CRLF2: variants seen among roughly 807,000 people sequenced by gnomAD.
CRLF2 encodes cytokine receptor-like factor 2.
Under a neutral mutation model 38.7 loss-of-function variants are expected in CRLF2, and 41 were observed. The ratio of observed to expected loss-of-function variants is 1.06; its 90% CI spans 0.83 to 1.37. The LOEUF (loss-of-function observed/expected upper bound fraction) is 1.37. CRLF2 is among the 40% of genes most tolerant of loss of function. The probability of loss-of-function intolerance (pLI) is 0.00; values close to 1 mark genes in which losing one functional copy is unlikely to be tolerated. For missense variants in CRLF2, 377 were observed against 322.2 expected, an observed-to-expected ratio of 1.17 and a Z score of -1.30; for synonymous variants, 140 against 128.8, an observed-to-expected ratio of 1.09 and a Z score of -0.59.
intron 4 of CRLF2, chrX:1,199,033 C>A: frequency 6.9e-6 from 3 of 435,990 alleles, no homozygotes; most frequent in South Asian, 5.6e-5. Flanking sequence ...CCTGTAATCC[C>A]AGCTACTTGG....
At chrX:1,197,397 G>A (rs764868637) in intron 5 of CRLF2, among the ~76,000 whole-genome samples, 1 of 151,980 alleles carries the variant, frequency 6.6e-6, no homozygotes, top group South Asian at 2.1e-4. Context: ...CAGCCACCCC[G>A]AGGAAGTAAG....
intron 2 of CRLF2, 38 bp from the exon 3 acceptor site, chrX:1,206,637 A>G (rs1331187324): frequency 6.3e-7 from 1 of 1,599,490 alleles, no homozygotes; most frequent in Non-Finnish European, 8.6e-7. Context: ...CAACAAAACA[A>G]AAAAGCATGT....
At chrX:1,192,699 TTTC>T (rs1415917283) in intron 7 of CRLF2, among the ~76,000 whole-genome samples, 2 of 149,616 alleles carry the variant, frequency 1.3e-5, no homozygotes, top group East Asian at 2.0e-4. Context: ...TTCTTTTTCT[TTTC>T]TTTTCTTTTC....
chrX:1,201,887 A>G (rs1376281172), intron 4 of CRLF2, among the ~76,000 whole-genome samples: 2 of 151,796 alleles, frequency 1.3e-5, no homozygotes, highest in Non-Finnish European at 1.5e-5. Context: ...ATAGATAGAT[A>G]AAAGAGAGTT....
chrX:1,192,757 T>C (rs1424328271), intron 7 of CRLF2, among the ~76,000 whole-genome samples: 53 of 106,676 alleles, frequency 5.0e-4, no homozygotes, highest in East Asian at 9.7e-4. Flanking sequence ...TCTTTCTTTC[T>C]TTCTTTCTTT....
In CRLF2 at chrX:1,192,706, T is replaced by TC. The variant is rs2086408724; in HGVS notation, c.852+511dup. 8.8e-4 allele frequency among the ~76,000 whole-genome samples: 126 copies of TC among 143,486 alleles called. 1 individual carries two copies. The highest frequency in any genetic ancestry group is 5.4e-3 in the South Asian group (24 of 4,408). The allele number at this position is 143,486 out of a possible 152,430, so 94.1% of individuals were successfully genotyped here. On this transcript the variant is annotated intron_variant, in intron 7 of 7. Coordinates refer to ENST00000400841, the MANE Select transcript of CRLF2 (RefSeq NM_022148.4). Reference sequence around the variant, plus strand: ...TTTTCTCTTTCTTTTTCTTTTCTTTTCTTTTCTTTCTTTCTTTCTTTCTTT... The same window carrying TC: ...TTTTCTCTTTCTTTTTCTTTTCTTTTCCTTTTCTTTCTTTCTTTCTTTCTTT...
chrX:1,212,171 A>T (rs2086814485), intron 1 of CRLF2, among the ~76,000 whole-genome samples: 2 of 151,966 alleles, frequency 1.3e-5, no homozygotes, highest in Admixed American at 6.6e-5. Flanking sequence ...TGGATGGGTG[A>T]TTAATGGGAA....
chrX:1,211,198 T>A, intron 1 of CRLF2, among the ~76,000 whole-genome samples: 1 of 144,996 alleles, frequency 6.9e-6, no homozygotes, highest in African/African-American at 2.6e-5. Flanking sequence ...GATGGATGGA[T>A]GCATGGATAG....
chrX:1,192,693 T>G, intron 7 of CRLF2, among the ~76,000 whole-genome samples: 1 of 149,656 alleles, frequency 6.7e-6, no homozygotes, highest in Admixed American at 6.7e-5. Flanking sequence ...TTCTCTTTCT[T>G]TTTCTTTTCT....
At chrX:1,201,307 TCTGTGTGTGC>T (rs1207800136) in intron 4 of CRLF2, among the ~76,000 whole-genome samples, 1 of 148,338 alleles carries the variant, frequency 6.7e-6, no homozygotes. Context: ...TCTGTGCATG[TCTGTGTGTGC>T]CTGTGTGCCT....
At chrX:1,191,998 G>T (rs2086389470) in intron 7 of CRLF2, among the ~76,000 whole-genome samples, 1 of 144,544 alleles carries the variant, frequency 6.9e-6, no homozygotes, top group Non-Finnish European at 1.5e-5. Flanking sequence ...GAGGTGAGGA[G>T]ATCGAGACCA....
At chrX:1,197,926 T>C (rs1468469903) in intron 5 of CRLF2, among the ~76,000 whole-genome samples, 1 of 151,826 alleles carries the variant, frequency 6.6e-6, no homozygotes, top group African/African-American at 2.4e-5. Context: ...CGATTGAACG[T>C]GGGAGACAGA....
At chrX:1,205,875 C>CT (rs1287363904) in intron 3 of CRLF2, among the ~76,000 whole-genome samples, 1 of 147,808 alleles carries the variant, frequency 6.8e-6, no homozygotes, top group South Asian at 2.2e-4. Flanking sequence ...GAAGGAAGTA[C>CT]GAAAAGCATG....
At chrX:1,206,620 C>G in intron 2 of CRLF2, 21 bp from the exon 3 acceptor site, 1 of 1,607,614 alleles carries the variant, frequency 6.2e-7, no homozygotes, top group Non-Finnish European at 8.5e-7. Flanking sequence ...AAACGATGAC[C>G]ATTCAGCAAC....
chrX:1,208,883 G>C lies in CRLF2; in HGVS notation c.105C>G (p.Ile35Met), dbSNP rs1465167956. Residue 35 changes from isoleucine to methionine, a missense_variant, in exon 2 of 8, where the codon ATC (isoleucine) becomes ATG (methionine). By Grantham distance (10) the Ile-to-Met change is conservative. Coordinates refer to ENST00000400841, the MANE Select transcript of CRLF2 (RefSeq NM_022148.4). ...GAAEGVQIQI[I>M]YFNLETVQVT... The stretch of plus-strand genomic sequence containing the variant: ...CCTGCACGGTTTCTAAATTGAAGTA[G>C]ATGATCTGAATCTGTACTCCTTCTG... 4 of 1,609,246 alleles carry C rather than the reference G, an allele frequency of 2.5e-6. No homozygotes were observed. Among genetic ancestry groups the C allele is most frequent in the Non-Finnish European group, 3.4e-6 (4 of 1,175,572 alleles).
intron 7 of CRLF2, among the ~76,000 whole-genome samples, 194 bp downstream of exon 7, chrX:1,193,024 G>C (rs1392030038): frequency 2.6e-5 from 4 of 151,644 alleles, no homozygotes; most frequent in Non-Finnish European, 5.9e-5. Context: ...TGTTGGCCAG[G>C]CTGGTCTCGA....
chrX:1,209,368 G>A (rs1405155094), intron 1 of CRLF2, among the ~76,000 whole-genome samples: 190 of 149,706 alleles, frequency 1.3e-3, no homozygotes, highest in Middle Eastern at 7.0e-3. Flanking sequence ...CTCTCACTCT[G>A]TCACCCAGGC....
At position 1,193,215 on chromosome X, in the gene CRLF2, T is replaced by C; in HGVS notation, c.852+3A>G. The C allele has an allele frequency of 2.5e-6, 1 of 398,490 alleles. No individual in the cohort carries two copies. The highest frequency in any genetic ancestry group is 4.4e-6 in the Non-Finnish European group (1 of 226,126). The allele number at this position is 398,490 out of a possible 1,614,324, so 24.7% of individuals were successfully genotyped here. On this transcript the variant is annotated splice_donor_region_variant and intron_variant, in intron 7 of 7. Coordinates refer to ENST00000400841, the MANE Select transcript of CRLF2 (RefSeq NM_022148.4). ...AGAAGAGACACAAGGAGAGGGCGGATACCTGGAAGTTCCCTTGGTGTATCT... is the reference window on the plus strand; with the variant it reads ...AGAAGAGACACAAGGAGAGGGCGGACACCTGGAAGTTCCCTTGGTGTATCT...
chrX:1,195,400 C>G (rs1229328779), intron 6 of CRLF2, among the ~76,000 whole-genome samples: 4 of 151,774 alleles, frequency 2.6e-5, no homozygotes, highest in African/African-American at 9.7e-5. Flanking sequence ...CACAGCTTAC[C>G]TGGACTTCTT....
Sources: gnomAD v4.1 joint callset for allele counts (sites outside exome capture counted in the v4.1 genomes callset) on GRCh38, gnomAD v4.1.1 for gene constraint, MANE v1.5 for transcripts, NCBI Gene and HGNC (gene_info 2026-07-23, HGNC 2026-07-21) for gene names.